Variants in CTSC observed in about 807,000 individuals in gnomAD.
The protein encoded by CTSC is cathepsin C.
In CTSC, 37 loss-of-function variants were observed where a neutral mutation model predicts 40.9. The ratio of observed to expected loss-of-function variants is 0.91; its 90% CI spans 0.70 to 1.19. CTSC has a LOEUF of 1.19. Among genes scored for constraint, CTSC ranks in the 50% most tolerant of loss-of-function variants. The pLI, the probability that CTSC is intolerant of heterozygous loss-of-function variation, is 0.00. For missense variants in CTSC, 594 were observed against 567.3 expected (o/e 1.05, Z -0.48); for synonymous variants, 232 against 207.4 (o/e 1.12, Z -1.02).
At chr11:88,337,426 T>G in intron 1 of CTSC, 75 bp downstream of exon 1, 4 of 1,411,470 alleles carry the variant, frequency 2.8e-6, no homozygotes, top group Non-Finnish European at 3.9e-6. Context: ...GGGGAAGCGG[T>G]AGTTGGCGTG....
At chr11:88,307,068 C>T in intron 4 of CTSC, among the ~76,000 whole-genome samples, 1 of 152,200 alleles carries the variant, frequency 6.6e-6, no homozygotes, top group African/African-American at 2.4e-5. Context: ...GGAACTCTCA[C>T]ATTTCAAAGT....
chr11:88,320,015 T>C (rs1282785108), intron 2 of CTSC, among the ~76,000 whole-genome samples: 1 of 152,236 alleles, frequency 6.6e-6, no homozygotes, highest in Non-Finnish European at 1.5e-5. Context: ...ACTGAATTGG[T>C]ATTTTGCCAA....
intron 3 of CTSC, among the ~76,000 whole-genome samples, chr11:88,309,752 AT>A (rs1347698672): frequency 6.6e-6 from 1 of 151,776 alleles, no homozygotes; most frequent in Non-Finnish European, 1.5e-5. Flanking sequence ...TTGCACAGTA[AT>A]ATATGTATAT....
intron 2 of CTSC, chr11:88,326,496 T>G: frequency 8.9e-7 from 1 of 1,119,542 alleles, no homozygotes; most frequent in African/African-American, 1.6e-5. Flanking sequence ...ATATTGTCTC[T>G]TAATATTTAA....
chr11:88,302,625 C>CAAAAAAAA (rs139973958), intron 4 of CTSC, among the ~76,000 whole-genome samples: 1 of 80,052 alleles, frequency 1.2e-5, no homozygotes, highest in Non-Finnish European at 2.3e-5. Context: ...GACTCCGCCT[C>CAAAAAAAA]AAAAAAAAAA....
intron 2 of CTSC, chr11:88,324,539 A>C: frequency 1.0e-6 from 1 of 969,632 alleles, no homozygotes; most frequent in South Asian, 5.0e-5. Flanking sequence ...TACTTGTGAA[A>C]AGTCTGCAAA....
At chr11:88,320,030 ATCAGAGTGTCACATCTTTCC>A (rs918918717) in intron 2 of CTSC, among the ~76,000 whole-genome samples, 2 of 152,198 alleles carry the variant, frequency 1.3e-5, no homozygotes, top group African/African-American at 4.8e-5. Flanking sequence ...TGCCAAATCC[ATCAGAGTGTCACATCTTTCC>A]TCAGAAAGAA....
chr11:88,303,135 AT>A (rs1040730926), intron 4 of CTSC, among the ~76,000 whole-genome samples: 2 of 151,902 alleles, frequency 1.3e-5, no homozygotes, highest in Non-Finnish European at 2.9e-5. Flanking sequence ...AAGAAACTCA[AT>A]TTTTTTTTAA....
In CTSC at chr11:88,293,805, T is replaced by C. The variant is rs551468558; in HGVS notation, c.*201A>G. ...CATCTTCCAGAAAATTCCCACTTAA[T>C]TGAATACTTAGAAAAAAATGGCCAG... On this transcript the variant is annotated 3_prime_UTR_variant, in exon 7 of 7. Transcript: ENST00000227266. 1.9e-5 allele frequency: 12 copies of C among 629,902 alleles called. No individual in the cohort carries two copies. The highest frequency in any genetic ancestry group is 1.4e-4 in the East Asian group (5 of 35,568). The allele number at this position is 629,902 out of a possible 1,614,324, so 39.0% of individuals were successfully genotyped here. A position where few individuals can be genotyped will look rare whatever the true frequency, so the allele number is the denominator to read the frequency against.
At chr11:88,304,295 T>C (rs1937609951) in intron 4 of CTSC, among the ~76,000 whole-genome samples, 1 of 152,276 alleles carries the variant, frequency 6.6e-6, no homozygotes, top group South Asian at 2.1e-4. Flanking sequence ...CTTAGAACAG[T>C]GTTTTTCTCT....
At position 88,296,183 on chromosome 11, in the gene CTSC, G is replaced by A. The variant is rs1213914396; in HGVS notation, c.839C>T (p.Thr280Ile). The change falls in exon 6 of 7, where the codon ACC becomes ATC. Residue 280 changes from threonine (T) to isoleucine (I), a missense_variant. Transcript: ENST00000227266. ...AACCTCCTGAGGGCTTAGGATTGGGGTCTGAGAATTGTTGGTTAGTATACG... is the reference window on the plus strand; with the variant it reads ...AACCTCCTGAGGGCTTAGGATTGGGATCTGAGAATTGTTGGTTAGTATACG... Reference protein sequence around the residue: ...RIRILTNNSQTPILSPQEVVS... With the variant: ...RIRILTNNSQIPILSPQEVVS... 6.8e-6 allele frequency: 11 copies of A among 1,614,028 alleles called. No homozygotes were observed. Among genetic ancestry groups the A allele is most frequent in the Non-Finnish European group, 7.6e-6 (9 of 1,179,932 alleles).
intron 2 of CTSC, chr11:88,323,122 A>C (rs1938073754): frequency 1.3e-5 from 2 of 152,230 alleles, no homozygotes; most frequent in African/African-American, 4.8e-5. Context: ...CAACATATGC[A>C]AATCAATAAA....
rs77907149 is a variant in CTSC at position 88,296,319 on chromosome 11, A to C, written c.758-55T>G. 2,306 of 1,608,406 alleles carry C rather than the reference A, an allele frequency of 1.4e-3. 37 individuals carry two copies. The African/African-American group carries it at 0.027, about 19-fold the overall frequency. ...AGAGACATCTGAAGCCTCACAGAGAATCATGCAAAAACCTTAGTGAATCAC... is the reference window on the plus strand; with the variant it reads ...AGAGACATCTGAAGCCTCACAGAGACTCATGCAAAAACCTTAGTGAATCAC... On this transcript the variant is annotated intron_variant, in intron 5 of 6. Coordinates refer to ENST00000227266, the MANE Select transcript of CTSC (RefSeq NM_001814.6).
At chr11:88,301,627 A>ACTTTAT (rs1390189692) in intron 4 of CTSC, among the ~76,000 whole-genome samples, 2 of 152,110 alleles carry the variant, frequency 1.3e-5, no homozygotes, top group African/African-American at 4.8e-5. Flanking sequence ...AACAGATAAA[A>ACTTTAT]CTGTTTCATT....
intron 2 of CTSC, chr11:88,325,774 T>C (rs866771226): frequency 2.0e-6 from 2 of 985,320 alleles, no homozygotes; most frequent in East Asian, 1.1e-4. Context: ...TCTGTAGAAG[T>C]ATACTATAGC....
chr11:88,321,186 A>C, intron 2 of CTSC: 1 of 256,814 alleles, frequency 3.9e-6, no homozygotes, highest in South Asian at 1.5e-4. Context: ...TAGGATGTGC[A>C]GGTTTCTTAC....
chr11:88,314,135 T>C (rs1591231080), intron 2 of CTSC, among the ~76,000 whole-genome samples: 2 of 152,196 alleles, frequency 1.3e-5, no homozygotes, highest in East Asian at 3.9e-4. Context: ...CAAACTTCTT[T>C]TTGAAGGACT....
intron 2 of CTSC, chr11:88,326,348 G>A: frequency 1.2e-6 from 2 of 1,613,806 alleles, no homozygotes; most frequent in East Asian, 2.2e-5. Flanking sequence ...CTACAGGTAG[G>A]TCCACACTGT....
chr11:88,311,433 T>C (rs1290244410), intron 3 of CTSC, among the ~76,000 whole-genome samples: 1 of 152,208 alleles, frequency 6.6e-6, no homozygotes, highest in Non-Finnish European at 1.5e-5. Flanking sequence ...CTTGGGATGA[T>C]TTGTACATGT....
Sources: allele counts gnomAD v4.1 joint callset (sites outside exome capture counted in the v4.1 genomes callset), GRCh38; gene constraint gnomAD v4.1.1; transcripts MANE v1.5; gene names NCBI Gene and HGNC (gene_info 2026-07-23, HGNC 2026-07-21).